Variants in MAGI2 observed in about 807,000 individuals in gnomAD.
The protein encoded by MAGI2 is membrane-associated guanylate kinase, WW and PDZ domain-containing protein 2.
In MAGI2, 35 loss-of-function variants were observed where a neutral mutation model predicts 133.3. The observed-to-expected ratio is 0.26, with a 90% CI of 0.20 to 0.35. The LOEUF is 0.35. MAGI2 is among the 10% of genes least tolerant of loss of function. The pLI is 1.00. For synonymous variants in MAGI2, 729 were observed against 710.6 expected (o/e 1.03, Z -0.41); for missense variants, 1,636 against 1,863.4 (o/e 0.88, Z 2.25).
intron 6 of MAGI2, among the ~76,000 whole-genome samples, chr7:78,383,739 T>G (rs1388653412): frequency 6.6e-6 from 1 of 152,106 alleles, no homozygotes. Context: ...TTGGGTCTTA[T>G]GTTTAGGTCA....
At chr7:78,529,140 G>A (rs574305800) in intron 3 of MAGI2, among the ~76,000 whole-genome samples, 5 of 152,176 alleles carry the variant, frequency 3.3e-5, no homozygotes, top group South Asian at 2.1e-4. Flanking sequence ...AGTGCTCTCC[G>A]GAAAGTCATG....
chr7:78,083,390 GAGAGAGA>G (rs1816244040), intron 20 of MAGI2, among the ~76,000 whole-genome samples: 1 of 17,190 alleles, frequency 5.8e-5, no homozygotes, highest in Non-Finnish European at 1.3e-4. Flanking sequence ...GAGGGGGGGA[GAGAGAGA>G]GAGAGAGAGA....
At chr7:78,786,002 CAG>C (rs199511676) in intron 2 of MAGI2, among the ~76,000 whole-genome samples, 2 of 152,194 alleles carry the variant, frequency 1.3e-5, no homozygotes, top group East Asian at 1.9e-4. Context: ...GGGAGAGAAA[CAG>C]AGAGGAGGTG....
intron 1 of MAGI2, among the ~76,000 whole-genome samples, chr7:79,131,275 T>C (rs547930240): frequency 5.3e-5 from 8 of 152,184 alleles, no homozygotes; most frequent in African/African-American, 1.9e-4. Flanking sequence ...GGCTAGTGAG[T>C]GTTAAGAGAT....
intron 2 of MAGI2, among the ~76,000 whole-genome samples, chr7:78,990,587 T>A (rs1029504349): frequency 6.6e-6 from 1 of 152,100 alleles, no homozygotes; most frequent in Non-Finnish European, 1.5e-5. Context: ...TGGAGGTTTT[T>A]CTGCCACTTA....
intron 10 of MAGI2, chr7:78,252,255 T>C (rs1792473774): frequency 6.6e-6 from 1 of 151,940 alleles, no homozygotes; most frequent in South Asian, 2.1e-4. Flanking sequence ...ACTAACACTC[T>C]CTGGTTTCAA....
chr7:78,853,890 C>A (rs1350156403), intron 2 of MAGI2, among the ~76,000 whole-genome samples: 2 of 151,844 alleles, frequency 1.3e-5, no homozygotes, highest in African/African-American at 2.4e-5. Context: ...AGGCACCCTG[C>A]AATGCCATGG....
At chr7:78,821,607 T>C (rs954003879) in intron 2 of MAGI2, among the ~76,000 whole-genome samples, 7 of 152,032 alleles carry the variant, frequency 4.6e-5, no homozygotes, top group Non-Finnish European at 8.8e-5. Context: ...TATTTAAACA[T>C]GTCATGTGAA....
intron 6 of MAGI2, among the ~76,000 whole-genome samples, chr7:78,453,006 TTGTAA>T (rs1224796907): frequency 2.0e-5 from 3 of 152,148 alleles, no homozygotes; most frequent in Non-Finnish European, 4.4e-5. Flanking sequence ...TTTTTTTTAC[TTGTAA>T]TGTATATATC....
intron 1 of MAGI2, among the ~76,000 whole-genome samples, chr7:79,442,269 TA>T: frequency 6.6e-6 from 1 of 152,218 alleles, no homozygotes; most frequent in Non-Finnish European, 1.5e-5. Context: ...TAATAAGGGT[TA>T]AAAATATCAC....
chr7:78,228,453 T>C (rs1011073976), intron 10 of MAGI2, among the ~76,000 whole-genome samples: 1 of 152,206 alleles, frequency 6.6e-6, no homozygotes, highest in Non-Finnish European at 1.5e-5. Flanking sequence ...TGAGTTAGTA[T>C]TTGGGAATCA....
intron 2 of MAGI2, among the ~76,000 whole-genome samples, chr7:78,669,340 C>G (rs546572103): frequency 5.5e-4 from 83 of 151,842 alleles, no homozygotes; most frequent in Middle Eastern, 3.4e-3. Context: ...ATAAATTCCT[C>G]AACACATACA....
intron 1 of MAGI2, among the ~76,000 whole-genome samples, chr7:79,395,610 A>G (rs1409050645): frequency 1.3e-5 from 2 of 152,162 alleles, no homozygotes; most frequent in African/African-American, 2.4e-5. Flanking sequence ...TTTCATCTCT[A>G]AAAGTTTATG....
chr7:79,302,804 T>C (rs2129559836), intron 1 of MAGI2, among the ~76,000 whole-genome samples: 1 of 152,306 alleles, frequency 6.6e-6, no homozygotes, highest in Non-Finnish European at 1.5e-5. Flanking sequence ...GATAAAAACA[T>C]GGCTACACTA....
At chr7:78,918,697 G>A (rs1277536528) in intron 2 of MAGI2, among the ~76,000 whole-genome samples, 1 of 152,110 alleles carries the variant, frequency 6.6e-6, no homozygotes. Context: ...ACAAAGTTAA[G>A]TTTTTCCATT....
chr7:78,530,420 A>G (rs575373066), intron 3 of MAGI2, among the ~76,000 whole-genome samples: 2 of 152,188 alleles, frequency 1.3e-5, no homozygotes, highest in Non-Finnish European at 2.9e-5. Context: ...AAGATATAGG[A>G]TAGAAGGTAA....
intron 2 of MAGI2, among the ~76,000 whole-genome samples, chr7:78,950,867 A>G (rs1265232923): frequency 6.6e-6 from 1 of 152,114 alleles, no homozygotes. Context: ...GAATAAATAC[A>G]AGTGGATATA....
chr7:79,280,330 G>A (rs911264941), intron 1 of MAGI2, among the ~76,000 whole-genome samples: 1 of 152,134 alleles, frequency 6.6e-6, no homozygotes, highest in Non-Finnish European at 1.5e-5. Flanking sequence ...AAGGAAGTGT[G>A]TGAGTTGGAA....
rs181740411 is a variant in MAGI2 at position 78,316,896 on chromosome 7, C to T, written c.1408+26882G>A. On this transcript the variant is annotated intron_variant, in intron 9 of 21. Coordinates refer to ENST00000354212, the MANE Select transcript of MAGI2 (RefSeq NM_012301.4). ...TGAGCTTTGCCAAGTGTTTTTTTCT[C>T]TTTACTTACAAATTAGGTAAATTAA... Among the ~76,000 whole-genome samples the T allele has an allele frequency of 1.8e-3, 270 of 152,258 alleles. 3 individuals are homozygous for T. Among genetic ancestry groups the T allele is most frequent in the Middle Eastern group, 6.8e-3 (2 of 294 alleles).
Sources: gnomAD v4.1 joint callset for allele counts (sites outside exome capture counted in the v4.1 genomes callset) on GRCh38, gnomAD v4.1.1 for gene constraint, MANE v1.5 for transcripts, NCBI Gene and HGNC (gene_info 2026-07-23, HGNC 2026-07-21) for gene names.